TTLL4: variants seen among roughly 807,000 people sequenced by gnomAD.
The protein encoded by TTLL4 is tubulin tyrosine ligase like 4.
Under a neutral mutation model 122.7 loss-of-function variants are expected in TTLL4, and 85 were observed. The ratio of observed to expected loss-of-function variants is 0.69; its 90% CI spans 0.58 to 0.83. TTLL4 has a LOEUF of 0.83. Among genes scored for constraint, TTLL4 ranks in the 40% least tolerant of loss-of-function variants. The pLI, the probability that TTLL4 is intolerant of heterozygous loss-of-function variation, is 0.00. For missense variants in TTLL4, 1,363 were observed against 1,488.6 expected, an observed-to-expected ratio of 0.92 and a Z score of 1.39; for synonymous variants, 553 against 563.0, an observed-to-expected ratio of 0.98 and a Z score of 0.25.
chr2:218,747,792 A>G lies in TTLL4; in HGVS notation c.2378+67A>G, dbSNP rs1266328818. ...TTTTATTTTCCTTGGAGGGAGGGAA[A>G]CTAGAAGACACCAAACAGAAAAATA... is the stretch of plus-strand genomic sequence containing the variant. On this transcript the variant is annotated intron_variant, in intron 11 of 19. Coordinates refer to ENST00000392102, the MANE Select transcript of TTLL4 (RefSeq NM_014640.5). The surrounding 1 kb of genome is among the most constrained non-coding windows in gnomAD (Gnocchi z 4.7). The G allele has an allele frequency of 5.7e-6, 9 of 1,588,538 alleles. No individual in the cohort carries two copies. In the Middle Eastern group the frequency reaches 5.1e-4, roughly 89 times the overall value.
At chr2:218,748,355 C>G (rs551822685) in intron 12 of TTLL4, 128 bp downstream of exon 12, 1 of 1,401,252 alleles carries the variant, frequency 7.1e-7, no homozygotes, top group African/African-American at 1.4e-5. Flanking sequence ...CTTACCAATT[C>G]AGAATTGGTC....
chr2:218,746,798 A>G (rs1206674584), intron 8 of TTLL4: 6 of 596,114 alleles, frequency 1.0e-5, no homozygotes, highest in African/African-American at 7.4e-5. Flanking sequence ...TCTGGCTTAC[A>G]TTACTCTGTT....
intron 12 of TTLL4, chr2:218,748,571 C>T (rs1289854398): frequency 9.3e-6 from 4 of 428,544 alleles, no homozygotes; most frequent in Non-Finnish European, 1.7e-5. Flanking sequence ...AGGAGAATCA[C>T]TTGAACCTGG....
Position 218,738,888 on chromosome 2 carries a change from A to G in TTLL4, c.1212A>G (p.Ser404=). ...GSVRRVLPGA[S]DTLGLDNTVF... ...TCAGGCGGGTCCTCCCTGGTGCCTC[A>G]GATACCTTGGGGTTGGACAATACAG... Residue 404 remains serine (S), a synonymous_variant, in exon 3 of 20, where the codon TCA becomes TCG. Transcript: ENST00000392102. 2 of 1,614,200 alleles carry G rather than the reference A, an allele frequency of 1.2e-6. No homozygotes were observed. The highest frequency in any genetic ancestry group is 1.7e-6 in the Non-Finnish European group (2 of 1,180,034).
intron 2 of TTLL4, among the ~76,000 whole-genome samples, chr2:218,734,427 G>C (rs1049362224): frequency 1.3e-5 from 2 of 152,214 alleles, no homozygotes; most frequent in African/African-American, 4.8e-5. Flanking sequence ...CTTGCTCCTA[G>C]TGTGATGAGT....
rs116767737 is a variant in TTLL4, at chr2:218,710,835, C to T, written c.-380C>T. The T allele has an allele frequency of 6.6e-6, 1 of 151,928 alleles. No individual in the cohort carries two copies. The highest frequency in any genetic ancestry group is 1.5e-5 in the Non-Finnish European group (1 of 68,044). The allele number at this position is 151,928 out of a possible 1,614,324, so 9.4% of individuals were successfully genotyped here. A position where few individuals can be genotyped will look rare whatever the true frequency, so the allele number is the denominator to read the frequency against. Reference sequence around the variant, plus strand: ...AGATTCCCCGCGCTTGCCTCCCGCCCTCTTCTTCCAGACTCTCGGTCTGTC... The same window carrying T: ...AGATTCCCCGCGCTTGCCTCCCGCCTTCTTCTTCCAGACTCTCGGTCTGTC... On this transcript the variant is annotated 5_prime_UTR_variant, in exon 1 of 20. Transcript: ENST00000392102.
Position 218,750,117 on chromosome 2 carries a change from C to T in TTLL4, c.2844C>T (p.Ser948=), listed in dbSNP as rs1321987304. Residue 948 remains serine, a synonymous_variant, in exon 15 of 20, where the codon AGC becomes AGT. Transcript: ENST00000392102. ...CCAATGCAGAGGATATCATTTCCAG[C>T]CCCAGCAGCTGCAGCAGCTCCACCA... ...VLPNAEDIIS[S]PSSCSSSTTS... 6.2e-7 allele frequency: 1 copy of T among 1,613,908 alleles called. No individual in the cohort carries two copies. The highest frequency in any genetic ancestry group is 1.7e-5 in the Admixed American group (1 of 60,014).
chr2:218,725,625 G>A (rs148358468), intron 1 of TTLL4, among the ~76,000 whole-genome samples: 5,328 of 149,576 alleles, frequency 0.036, 133 homozygotes, highest in Non-Finnish European at 0.053. Context: ...GCGTGATCTC[G>A]GCTCACCGCA....
chr2:218,748,311 G>C lies in TTLL4; in HGVS notation c.2501+84G>C. Reference sequence around the variant, plus strand: ...GTTTTGGGAGGTTCAGGGGCATGGCGAGTGGAGGATTAATATAAGACCCAG... The same window carrying C: ...GTTTTGGGAGGTTCAGGGGCATGGCCAGTGGAGGATTAATATAAGACCCAG... On this transcript the variant is annotated intron_variant, in intron 12 of 19. Transcript: ENST00000392102. 5 of 1,558,012 alleles carry C rather than the reference G, an allele frequency of 3.2e-6. No individual in the cohort carries two copies. The East Asian group carries it at 9.2e-5, about 29-fold the overall frequency.
chr2:218,755,113 G>C lies in TTLL4; in HGVS notation c.*724G>C, dbSNP rs2106468763. ...AGGTGTGAGAGGGTCTATGAACTTT[G>C]TGAATTTCCCATGGCCCCAGTGAAG... On this transcript the variant is annotated 3_prime_UTR_variant, in exon 20 of 20. Coordinates refer to ENST00000392102, the MANE Select transcript of TTLL4 (RefSeq NM_014640.5). 1 of 152,406 alleles carries C rather than the reference G, an allele frequency of 6.6e-6. No individual in the cohort carries two copies. The highest frequency in any genetic ancestry group is 6.5e-5 in the Admixed American group (1 of 15,296). 9.4% of individuals were successfully genotyped at this position (152,406 alleles called of 1,614,324 possible). A position where few individuals can be genotyped will look rare whatever the true frequency, so the allele number is the denominator to read the frequency against.
chr2:218,713,585 G>A (rs1000510590), intron 1 of TTLL4, among the ~76,000 whole-genome samples: 1 of 152,230 alleles, frequency 6.6e-6, no homozygotes, highest in African/African-American at 2.4e-5. Flanking sequence ...TGGCCTAGAC[G>A]TTACCTTATA....
intron 3 of TTLL4, 150 bp downstream of exon 3, chr2:218,739,313 A>G: frequency 3.3e-6 from 3 of 911,618 alleles, no homozygotes; most frequent in Non-Finnish European, 4.8e-6. Flanking sequence ...GGGTTGGGAA[A>G]CTATAGCTTG....
intron 1 of TTLL4, among the ~76,000 whole-genome samples, chr2:218,721,449 C>T (rs1191147676): frequency 6.6e-6 from 1 of 152,210 alleles, no homozygotes; most frequent in Non-Finnish European, 1.5e-5. Flanking sequence ...GAAGTGGAAG[C>T]AGCCTTGTGG....
At chr2:218,746,840 G>A in intron 8 of TTLL4, 163 bp from the exon 9 acceptor site, 1 of 675,874 alleles carries the variant, frequency 1.5e-6, no homozygotes, top group Non-Finnish European at 2.5e-6. Flanking sequence ...TTTGGTGAGT[G>A]CTCTGCAGTT....
rs1410676353 is a variant in TTLL4, at chr2:218,747,709, C to T, written c.2362C>T (p.Arg788Cys). 16 of 1,614,068 alleles carry T rather than the reference C, an allele frequency of 9.9e-6. No individual in the cohort carries two copies. The highest frequency in any genetic ancestry group is 4.0e-5 in the African/African-American group (3 of 74,932). Reference sequence around the variant, plus strand: ...TTACCTCTTTTCAGATGGACTGGTCCGCTTTGCCAGTTGCAAGTATGTGAC... The same window carrying T: ...TTACCTCTTTTCAGATGGACTGGTCTGCTTTGCCAGTTGCAAGTATGTGAC... ...RIYLFSDGLV[R>C]FASCKYSPSM... Residue 788 changes from arginine to cysteine, a missense_variant, in exon 11 of 20, where the codon CGC (arginine) becomes TGC (cysteine). Around this residue, in one of 3 missense-constraint regions of TTLL4, gnomAD observed 596 missense variants for 655.8 expected, o/e 0.91. Transcript: ENST00000392102. This position sits in a 1 kb window ranked among gnomAD's most constrained non-coding sequence, Gnocchi z 4.7.
intron 1 of TTLL4, among the ~76,000 whole-genome samples, chr2:218,719,984 T>C (rs1019790374): frequency 3.3e-5 from 5 of 152,178 alleles, no homozygotes; most frequent in Non-Finnish European, 7.3e-5. Context: ...GTGTCTTAAA[T>C]TTCATGACTG....
chr2:218,745,088 C>T lies in TTLL4; in HGVS notation c.1662-21C>T, dbSNP rs771615626. The stretch of plus-strand genomic sequence containing the variant: ...TGTTGCTTTTTCCCTTTCTCTACTC[C>T]ATGTTTGTTTTTCGTCTTAGAAGCT... On this transcript the variant is annotated intron_variant, in intron 5 of 19. Transcript: ENST00000392102. 1.9e-6 allele frequency: 3 copies of T among 1,613,354 alleles called. No homozygotes were observed. In the East Asian group the frequency reaches 6.7e-5, roughly 36 times the overall value.
chr2:218,746,612 C>T, intron 8 of TTLL4: 2 of 364,134 alleles, frequency 5.5e-6, no homozygotes, highest in East Asian at 5.5e-5. Flanking sequence ...GATCACTGCA[C>T]ATTCCATTCT....
At chr2:218,716,774 C>T (rs1429470221) in intron 1 of TTLL4, among the ~76,000 whole-genome samples, 4 of 151,878 alleles carry the variant, frequency 2.6e-5, no homozygotes, top group South Asian at 2.1e-4. Flanking sequence ...GGCGACAGAG[C>T]GAGACTCTGT....
Sources: gnomAD v4.1 joint callset for allele counts (sites outside exome capture counted in the v4.1 genomes callset) on GRCh38, gnomAD v4.1.1 for gene constraint, gnomAD v4.1.1 regional missense constraint, Gnocchi (gnomAD v3.1) non-coding constraint, MANE v1.5 for transcripts, NCBI Gene and HGNC (gene_info 2026-07-23, HGNC 2026-07-21) for gene names.